GSE1: variants seen among roughly 807,000 people sequenced by gnomAD.
GSE1 encodes the protein Gse1 coiled-coil protein.
Under a neutral mutation model 112.6 loss-of-function variants are expected in GSE1, and 32 were observed. The observed-to-expected ratio is 0.28, with a 90% CI of 0.21 to 0.38. The LOEUF is 0.38. Ranked by LOEUF, GSE1 falls within the 10% of genes least tolerant of loss-of-function variation. The probability of loss-of-function intolerance (pLI) is 1.00; values close to 1 mark genes in which losing one functional copy is unlikely to be tolerated. For missense variants in GSE1, 2,348 were observed against 1,699.2 expected, an observed-to-expected ratio of 1.38 and a Z score of -6.71; for synonymous variants, 1,115 against 735.6, an observed-to-expected ratio of 1.52 and a Z score of -8.35.
chr16:85,345,543 C>A (rs995489274), intron 1 of GSE1, among the ~76,000 whole-genome samples: 1 of 152,194 alleles, frequency 6.6e-6, no homozygotes, highest in Non-Finnish European at 1.5e-5. Context: ...CAGGTCTTTT[C>A]ACAAACATCC....
rs76442385 is a variant in GSE1 at position 85,346,888 on chromosome 16, G to A, written c.2284-10575G>A. Among the ~76,000 whole-genome samples, 162 of 152,088 alleles carry A rather than the reference G, an allele frequency of 1.1e-3. 1 individual carries two copies. In the East Asian group the frequency reaches 0.017, roughly 16 times the overall value. On this transcript the variant is annotated intron_variant, in intron 1 of 2. Coordinates refer to the GSE1 transcript ENST00000637419. ...ACAGGTAGATGGATGGTGGATGAGC[G>A]GATGGATGGTGGACAGGTGAGTGGA...
intron 2 of GSE1, among the ~76,000 whole-genome samples, chr16:85,522,375 G>T (rs1245123516): frequency 6.8e-6 from 1 of 147,336 alleles, no homozygotes; most frequent in East Asian, 2.0e-4. Flanking sequence ...CCAGGATGCA[G>T]CTCTCCCTCC....
At chr16:85,635,166 T>G (rs2049885376) in intron 2 of GSE1, among the ~76,000 whole-genome samples, 1 of 152,158 alleles carries the variant, frequency 6.6e-6, no homozygotes, top group African/African-American at 2.4e-5. Context: ...TCTGAATGTC[T>G]CCTTCCTGGA....
At chr16:85,265,312 C>A (rs1908123337) in intron 1 of GSE1, among the ~76,000 whole-genome samples, 1 of 152,170 alleles carries the variant, frequency 6.6e-6, no homozygotes, top group Non-Finnish European at 1.5e-5. Flanking sequence ...ATAAACGGAA[C>A]AGAAAGGAGT....
At chr16:85,357,757 C>T in intron 2 of GSE1, 1 of 573,292 alleles carries the variant, frequency 1.7e-6, no homozygotes, top group Non-Finnish European at 2.7e-6. Flanking sequence ...GTGTCCTCGG[C>T]ATCCTAGGGG....
chr16:85,380,112 A>G (rs1463209043), intron 2 of GSE1, among the ~76,000 whole-genome samples: 1 of 152,218 alleles, frequency 6.6e-6, no homozygotes, highest in Non-Finnish European at 1.5e-5. Flanking sequence ...TTGAACTTGG[A>G]CATTCACCAT....
intron 1 of GSE1, among the ~76,000 whole-genome samples, chr16:85,561,104 C>T (rs1247998904): frequency 6.6e-6 from 1 of 151,700 alleles, no homozygotes; most frequent in Non-Finnish European, 1.5e-5. Flanking sequence ...TGTACTGCAA[C>T]CTGGGTGACA....
At chr16:85,258,414 C>T (rs1907307104) in intron 1 of GSE1, among the ~76,000 whole-genome samples, 2 of 152,306 alleles carry the variant, frequency 1.3e-5, no homozygotes, top group African/African-American at 2.4e-5. Flanking sequence ...CTGATTCCTT[C>T]GTTCTTCCAC....
At chr16:85,461,522 G>A (rs999294006) in intron 2 of GSE1, among the ~76,000 whole-genome samples, 1 of 152,142 alleles carries the variant, frequency 6.6e-6, no homozygotes, top group Non-Finnish European at 1.5e-5. Flanking sequence ...GGGAGGGGGC[G>A]CTGTGGTTTA....
At chr16:85,176,894 G>A (rs188201986) in intron 1 of GSE1, among the ~76,000 whole-genome samples, 39 of 152,356 alleles carry the variant, frequency 2.6e-4, no homozygotes, top group Admixed American at 9.8e-4. Flanking sequence ...TCCTCAGGGG[G>A]CCTGGCTGCC....
chr16:85,200,669 T>C (rs80140399), intron 1 of GSE1, among the ~76,000 whole-genome samples: 2,383 of 152,292 alleles, frequency 0.016, 95 homozygotes, highest in East Asian at 0.13. Flanking sequence ...GCCCCACATT[T>C]AATCTTACTG....
chr16:85,491,038 A>C (rs1364169852), intron 2 of GSE1, among the ~76,000 whole-genome samples: 1 of 152,044 alleles, frequency 6.6e-6, no homozygotes, highest in Non-Finnish European at 1.5e-5. Context: ...CCGCCAGGGT[A>C]CCCCAAAGCC....
chr16:85,488,194 C>T (rs982212873), intron 2 of GSE1, among the ~76,000 whole-genome samples: 1 of 152,166 alleles, frequency 6.6e-6, no homozygotes, highest in Non-Finnish European at 1.5e-5. Context: ...GGGACATGGG[C>T]CCTGCTGCCT....
chr16:85,323,206 T>C (rs1223053749), intron 1 of GSE1, among the ~76,000 whole-genome samples: 3 of 152,082 alleles, frequency 2.0e-5, no homozygotes, highest in Non-Finnish European at 4.4e-5. Flanking sequence ...AAACCAAAGA[T>C]TGGGTCACAT....
intron 2 of GSE1, among the ~76,000 whole-genome samples, chr16:85,449,091 AGCCCCTGGG>A (rs2049596406): frequency 6.6e-6 from 1 of 152,160 alleles, no homozygotes; most frequent in Non-Finnish European, 1.5e-5. Flanking sequence ...GGCCGGGAGC[AGCCCCTGGG>A]GCCAGTGAGG....
intron 1 of GSE1, among the ~76,000 whole-genome samples, chr16:85,614,215 CCCG>C (rs1054453736): frequency 6.6e-6 from 1 of 152,218 alleles, no homozygotes; most frequent in Non-Finnish European, 1.5e-5. Flanking sequence ...GATGCGCCTC[CCCG>C]CCCCCAGCCC....
intron 1 of GSE1, among the ~76,000 whole-genome samples, chr16:85,302,218 C>A (rs1457967118): frequency 1.3e-5 from 2 of 152,198 alleles, no homozygotes; most frequent in Non-Finnish European, 2.9e-5. Flanking sequence ...ACACTCTAAT[C>A]TTCGCTTGGC....
intron 1 of GSE1, among the ~76,000 whole-genome samples, chr16:85,224,272 C>G (rs1266677128): frequency 1.8e-5 from 2 of 112,368 alleles, no homozygotes; most frequent in African/African-American, 7.0e-5. Context: ...TTTCATAACC[C>G]TTATGAAACC....
intron 1 of GSE1, among the ~76,000 whole-genome samples, chr16:85,202,783 T>G (rs1445437238): frequency 6.6e-6 from 1 of 152,206 alleles, no homozygotes; most frequent in African/African-American, 2.4e-5. Context: ...GGAGTCCAGA[T>G]GCTGTGCTTC....
Sources: allele counts gnomAD v4.1 joint callset (sites outside exome capture counted in the v4.1 genomes callset), GRCh38; gene constraint gnomAD v4.1.1; transcripts MANE v1.5; gene names NCBI Gene and HGNC (gene_info 2026-07-23, HGNC 2026-07-21).